RBM44: variants seen among roughly 807,000 people sequenced by gnomAD.
RBM44 encodes RNA binding motif protein 44, also known as RNA-binding protein 44.
A neutral mutation model predicts 105.1 loss-of-function variants in RBM44; 66 were observed. The observed-to-expected ratio is 0.63, with a 90% CI of 0.52 to 0.77. The LOEUF is 0.77. Ranked by LOEUF, RBM44 falls within the 30% of genes least tolerant of loss-of-function variation. The pLI is 0.00. For missense variants in RBM44, 1,122 were observed against 1,207.8 expected (o/e 0.93, Z 1.05); for synonymous variants, 365 against 417.6 (o/e 0.87, Z 1.54).
At chr2:237,800,483 G>C (rs1408994715) in intron 1 of RBM44, among the ~76,000 whole-genome samples, 1 of 152,240 alleles carries the variant, frequency 6.6e-6, no homozygotes, top group African/African-American at 2.4e-5. Context: ...GCACACTGCA[G>C]ATTTCATTAA....
intron 13 of RBM44, among the ~76,000 whole-genome samples, chr2:237,830,419 C>G (rs931800512): frequency 6.6e-6 from 1 of 152,096 alleles, no homozygotes. Flanking sequence ...ATTCCCTTAA[C>G]AGTGTCTTTC....
At chr2:237,836,088 G>C (rs927252774) in intron 15 of RBM44, among the ~76,000 whole-genome samples, 21 of 152,192 alleles carry the variant, frequency 1.4e-4, no homozygotes, top group Admixed American at 5.2e-4. Flanking sequence ...GACTTTCACA[G>C]CTTGAGAGGA....
chr2:237,830,981 C>T (rs1559921242), intron 13 of RBM44, among the ~76,000 whole-genome samples: 1 of 151,830 alleles, frequency 6.6e-6, no homozygotes. Context: ...TAGATCAGCA[C>T]AAGAATAAAT....
chr2:237,841,335 C>T lies in RBM44; in HGVS notation c.*23-504C>T, dbSNP rs993529264. 7.9e-5 allele frequency among the ~76,000 whole-genome samples: 12 copies of T among 152,158 alleles called. No individual in the cohort carries two copies. The highest frequency in any genetic ancestry group is 2.4e-4 in the African/African-American group (10 of 41,436). On this transcript the variant is annotated intron_variant, in intron 15 of 15. Transcript: ENST00000316997. The surrounding 1 kb of genome is among the most constrained non-coding windows in gnomAD (Gnocchi z 4.5). ...TGCAGGAACAGAAAACCAAATACCA[C>T]GTGATCTTACTTATAAATGGCAGCT... is the stretch of plus-strand genomic sequence containing the variant.
At position 237,842,595 on chromosome 2, in the gene RBM44, G is replaced by A. The variant is rs2150995444; in HGVS notation, c.*779G>A. ...CCTTATCTGATAGAAATATAGAATA[G>A]ATAGTTCTTTAATTGCTTACTTTTT... On this transcript the variant is annotated 3_prime_UTR_variant, in exon 16 of 16. Coordinates refer to ENST00000316997, the MANE Select transcript of RBM44 (RefSeq NM_001080504.3). The A allele has an allele frequency of 6.6e-6, 1 of 152,132 alleles. No individual in the cohort carries two copies. Among genetic ancestry groups the A allele is most frequent in the East Asian group, 1.9e-4 (1 of 5,186 alleles). 9.4% of individuals were successfully genotyped at this position (152,132 alleles called of 1,614,324 possible).
rs563814940 is a variant in RBM44, at chr2:237,810,689, G to A, written c.-18-2903G>A. On this transcript the variant is annotated intron_variant, in intron 1 of 15. Coordinates refer to ENST00000316997, the MANE Select transcript of RBM44 (RefSeq NM_001080504.3). ...GCCTCCCTGAAGAAGATAGGGCTTA[G>A]GGATATTTATGGGTTAGGGAAGTAG... is the stretch of plus-strand genomic sequence containing the variant. Among the ~76,000 whole-genome samples, 11 of 152,298 alleles carry A rather than the reference G, an allele frequency of 7.2e-5. No individual in the cohort carries two copies. The South Asian group carries it at 1.9e-3, about 26-fold the overall frequency.
At chr2:237,812,194 G>T (rs2061666410) in intron 1 of RBM44, among the ~76,000 whole-genome samples, 2 of 152,126 alleles carry the variant, frequency 1.3e-5, no homozygotes, top group South Asian at 4.1e-4. Flanking sequence ...TAAAAGAATA[G>T]CTCTCCATTT....
chr2:237,800,376 C>T (rs539458774), intron 1 of RBM44, among the ~76,000 whole-genome samples: 1 of 152,262 alleles, frequency 6.6e-6, no homozygotes, highest in South Asian at 2.1e-4. Context: ...ACCTCTATCG[C>T]ATACATGATC....
At chr2:237,822,464 G>T (rs888543282) in intron 8 of RBM44, among the ~76,000 whole-genome samples, 3 of 152,034 alleles carry the variant, frequency 2.0e-5, no homozygotes, top group African/African-American at 7.2e-5. Context: ...GAAGGCTGGG[G>T]TTTAGTCTGC....
chr2:237,832,886 T>G (rs1316937252), intron 13 of RBM44, among the ~76,000 whole-genome samples: 2 of 152,226 alleles, frequency 1.3e-5, no homozygotes, highest in Admixed American at 6.5e-5. Context: ...CTTCCTTATC[T>G]TAAAATGGAG....
At chr2:237,831,637 T>G (rs1318264506) in intron 13 of RBM44, among the ~76,000 whole-genome samples, 1 of 152,218 alleles carries the variant, frequency 6.6e-6, no homozygotes, top group African/African-American at 2.4e-5. Flanking sequence ...ATTCAATGTC[T>G]GTTTCTTTGC....
At chr2:237,830,160 C>G (rs1034500065) in intron 13 of RBM44, among the ~76,000 whole-genome samples, 5 of 152,122 alleles carry the variant, frequency 3.3e-5, no homozygotes, top group African/African-American at 1.2e-4. Context: ...TAAAACTTGA[C>G]CTTTTTCAGA....
chr2:237,801,243 C>T (rs919723779), intron 1 of RBM44, among the ~76,000 whole-genome samples: 6 of 152,112 alleles, frequency 3.9e-5, no homozygotes, highest in African/African-American at 1.4e-4. Flanking sequence ...ATCACCTGAA[C>T]CCAGGGACGT....
At chr2:237,805,473 A>G (rs56930008) in intron 1 of RBM44, among the ~76,000 whole-genome samples, 1,901 of 152,316 alleles carry the variant, frequency 0.012, 42 homozygotes, top group African/African-American at 0.043. Flanking sequence ...TTTTCACACA[A>G]TTAGAAAAAA....
chr2:237,816,433 T>C (rs2061715638), intron 2 of RBM44, among the ~76,000 whole-genome samples: 1 of 152,176 alleles, frequency 6.6e-6, no homozygotes, highest in African/African-American at 2.4e-5. Context: ...TTACAAACAG[T>C]GGCTGCCCTG....
chr2:237,805,260 T>A (rs1278094426), intron 1 of RBM44, among the ~76,000 whole-genome samples: 2 of 152,032 alleles, frequency 1.3e-5, no homozygotes, highest in Non-Finnish European at 2.9e-5. Flanking sequence ...GAAAATGAAA[T>A]GCCTAGGAAT....
At chr2:237,824,504 A>C in intron 10 of RBM44, 85 bp downstream of exon 10, 1 of 1,063,282 alleles carries the variant, frequency 9.4e-7, no homozygotes, top group Non-Finnish European at 1.3e-6. Context: ...GTGTTGGGCA[A>C]CTGAGTTGTT....
At chr2:237,830,306 T>G (rs2061890831) in intron 13 of RBM44, among the ~76,000 whole-genome samples, 1 of 152,200 alleles carries the variant, frequency 6.6e-6, no homozygotes, top group African/African-American at 2.4e-5. Flanking sequence ...TTTATTCAGT[T>G]TATTTTATTA....
rs1224145292 is a variant in RBM44 at position 237,817,239 on chromosome 2, T to C, written c.320T>C (p.Phe107Ser). The C allele has an allele frequency of 2.2e-5, 35 of 1,604,776 alleles. No homozygotes were observed. The highest frequency in any genetic ancestry group is 2.9e-5 in the Non-Finnish European group (34 of 1,176,552). ...SELEDSTDYA[F>S]LNKTYSIPYS... ...CTTGAAGACAGTACTGACTATGCTT[T>C]CTTGAATAAAACATATTCTATACCT... The change falls in exon 3 of 16, where the codon TTC (phenylalanine) becomes TCC (serine). Residue 107 changes from phenylalanine (F) to serine (S), a missense_variant. Around this residue, in one of 3 missense-constraint regions of RBM44, gnomAD observed 918 missense variants for 955.3 expected, o/e 0.96. Transcript: ENST00000316997.
Sources: allele counts gnomAD v4.1 joint callset (sites outside exome capture counted in the v4.1 genomes callset), GRCh38; gene constraint gnomAD v4.1.1; regional missense constraint gnomAD v4.1.1; non-coding constraint Gnocchi (gnomAD v3.1); transcripts MANE v1.5; gene names NCBI Gene and HGNC (gene_info 2026-07-23, HGNC 2026-07-21).